The following POT1 variants were observed in gnomAD, a reference collection of about 807,000 sequenced individuals.
POT1 encodes protection of telomeres 1, also known as protection of telomeres protein 1.
In POT1, 47 loss-of-function variants were observed where a neutral mutation model predicts 78.5. That is an observed-to-expected ratio of 0.60 (90% CI 0.47 to 0.76). The LOEUF (loss-of-function observed/expected upper bound fraction) is 0.76, where lower values mean the gene tolerates loss of function less well. Among genes scored for constraint, POT1 ranks in the 30% least tolerant of loss-of-function variants. The pLI is 0.00. For missense variants in POT1, 646 were observed against 749.9 expected (o/e 0.86, Z 1.62); for synonymous variants, 259 against 260.7 (o/e 0.99, Z 0.06).
rs1795856406 is a variant in POT1, at chr7:124,871,042, C to A, written c.125-1G>T. The stretch of plus-strand genomic sequence containing the variant: ...ACAATAGTTACAACTGAGCAATAAT[C>A]TGGAAAACACAAAAATATTTTACCT... On this transcript the variant is annotated splice_acceptor_variant, in intron 6 of 18. Transcript: ENST00000357628. LOFTEE classifies it high-confidence loss of function. 1 of 1,565,536 alleles carries A rather than the reference C, an allele frequency of 6.4e-7. No individual in the cohort carries two copies. The highest frequency in any genetic ancestry group is 1.2e-5 in the South Asian group (1 of 82,412).
intron 2 of POT1, among the ~76,000 whole-genome samples, chr7:124,917,751 G>GA (rs1475494492): frequency 6.6e-6 from 1 of 152,060 alleles, no homozygotes; most frequent in Non-Finnish European, 1.5e-5. Flanking sequence ...GGGATAATCA[G>GA]AAAAAATATA....
chr7:124,876,395 G>A (rs1795991498), intron 6 of POT1, among the ~76,000 whole-genome samples: 1 of 152,136 alleles, frequency 6.6e-6, no homozygotes, highest in African/African-American at 2.4e-5. Context: ...TTATGCTTAG[G>A]TGTCAAAAAA....
intron 17 of POT1, among the ~76,000 whole-genome samples, chr7:124,826,126 C>T (rs1040347367): frequency 3.3e-5 from 5 of 152,154 alleles, no homozygotes; most frequent in African/African-American, 1.2e-4. Context: ...GGGCTGAAGA[C>T]TATGATCAGC....
chr7:124,907,863 T>A (rs1796802398), intron 3 of POT1, among the ~76,000 whole-genome samples: 1 of 152,100 alleles, frequency 6.6e-6, no homozygotes, highest in South Asian at 2.1e-4. Flanking sequence ...ACATGTATTT[T>A]AAAAAGTATA....
chr7:124,863,669 G>T, intron 7 of POT1, 29 bp from the exon 8 acceptor site: 1 of 1,532,614 alleles, frequency 6.5e-7, no homozygotes, highest in Non-Finnish European at 8.9e-7. Flanking sequence ...GTAGAAAACA[G>T]ATACAAATAA....
chr7:124,866,786 AC>A (rs920709764), intron 7 of POT1, among the ~76,000 whole-genome samples: 2 of 152,184 alleles, frequency 1.3e-5, no homozygotes, highest in African/African-American at 4.8e-5. Context: ...TGCCTAAAAA[AC>A]AGTTGCCTCA....
At position 124,859,052 on chromosome 7, in the gene POT1, G is replaced by T. The variant is rs1470754328; in HGVS notation, c.607C>A (p.Leu203Ile). The change falls in exon 9 of 19, where the codon CTT becomes ATT. Residue 203 changes from leucine (L) to isoleucine (I), a missense_variant. Physicochemically the swap from Leu to Ile is conservative, Grantham distance 5. This residue lies in a region of POT1 where 252 missense variants were observed against 341.4 expected (regional missense o/e 0.74). Transcript: ENST00000357628. ...SWRVLIQDLV[L>I]EGDLSHIHRL... ...TGGATGTGACTTAAATCACCTTCAA[G>T]AACAAGGTCTTGTATTAAGACTCTC... 6.2e-7 allele frequency: 1 copy of T among 1,610,936 alleles called. No homozygotes were observed. Among genetic ancestry groups the T allele is most frequent in the East Asian group, 2.2e-5 (1 of 44,770 alleles).
chr7:124,832,341 G>A (rs2116433338), intron 15 of POT1, among the ~76,000 whole-genome samples: 1 of 150,212 alleles, frequency 6.7e-6, no homozygotes, highest in East Asian at 2.0e-4. Context: ...TTGTTGTGAT[G>A]TTACTTTTTT....
chr7:124,909,059 C>T (rs866398724), intron 3 of POT1, among the ~76,000 whole-genome samples: 2 of 151,946 alleles, frequency 1.3e-5, no homozygotes. Context: ...CACTCTAATT[C>T]CTCTTTCAGA....
intron 3 of POT1, among the ~76,000 whole-genome samples, chr7:124,908,439 C>T (rs1416840128): frequency 3.3e-5 from 5 of 151,992 alleles, no homozygotes; most frequent in African/African-American, 9.7e-5. Flanking sequence ...TCATCAGCCA[C>T]ATCAGCCACA....
chr7:124,878,794 A>T lies in POT1; in HGVS notation c.125-7753T>A, dbSNP rs534008486. Reference sequence around the variant, plus strand: ...AGGAATATCTGATCCAAATATGAAGAAAACTAAAATGTAGCATAGAGATAG... The same window carrying T: ...AGGAATATCTGATCCAAATATGAAGTAAACTAAAATGTAGCATAGAGATAG... On this transcript the variant is annotated intron_variant, in intron 6 of 18. Transcript: ENST00000357628. Among the ~76,000 whole-genome samples, 25 of 152,246 alleles carry T rather than the reference A, an allele frequency of 1.6e-4. No homozygotes were observed. In the South Asian group the frequency reaches 3.9e-3, roughly 24 times the overall value.
intron 2 of POT1, among the ~76,000 whole-genome samples, chr7:124,923,845 A>G (rs1029867304): frequency 1.3e-5 from 2 of 151,820 alleles, no homozygotes; most frequent in African/African-American, 4.8e-5. Context: ...TTTTCAGCAG[A>G]AATCTTACAG....
chr7:124,886,368 G>C (rs1006296723), intron 6 of POT1, among the ~76,000 whole-genome samples: 1 of 152,092 alleles, frequency 6.6e-6, no homozygotes, highest in Admixed American at 6.6e-5. Context: ...AAAAGGCACA[G>C]CTGTGGACTG....
At chr7:124,880,026 C>T (rs1296541301) in intron 6 of POT1, among the ~76,000 whole-genome samples, 2 of 151,974 alleles carry the variant, frequency 1.3e-5, no homozygotes, top group Non-Finnish European at 2.9e-5. Context: ...AGCATATTCC[C>T]AATAGTGTCA....
chr7:124,840,940 T>C (rs1299110270), intron 14 of POT1, 33 bp downstream of exon 14: 1 of 1,481,430 alleles, frequency 6.8e-7, no homozygotes, highest in Non-Finnish European at 9.4e-7. Flanking sequence ...GCAAAAGGAG[T>C]ATTCTAACAA....
intron 3 of POT1, among the ~76,000 whole-genome samples, chr7:124,900,430 C>T (rs1009302585): frequency 3.3e-5 from 5 of 152,162 alleles, no homozygotes; most frequent in South Asian, 2.1e-4. Context: ...TCCTATACAG[C>T]GTTTTAGCAT....
chr7:124,917,384 ACT>A (rs530870270), intron 2 of POT1, among the ~76,000 whole-genome samples: 3 of 152,258 alleles, frequency 2.0e-5, no homozygotes, highest in African/African-American at 7.2e-5. Flanking sequence ...ATACAAAGTA[ACT>A]CTGAGGAATA....
chr7:124,916,261 G>A (rs1797012364), intron 2 of POT1, among the ~76,000 whole-genome samples: 1 of 151,982 alleles, frequency 6.6e-6, no homozygotes, highest in Non-Finnish European at 1.5e-5. Context: ...ATAAAAAATA[G>A]ATCAATTTTA....
chr7:124,843,273 C>T, intron 12 of POT1: 1 of 183,664 alleles, frequency 5.4e-6, no homozygotes, highest in Non-Finnish European at 1.1e-5. Flanking sequence ...AAATATTACG[C>T]TAGGCAACCG....
Sources: allele counts gnomAD v4.1 joint callset (sites outside exome capture counted in the v4.1 genomes callset), GRCh38; gene constraint gnomAD v4.1.1; regional missense constraint gnomAD v4.1.1; transcripts MANE v1.5; gene names NCBI Gene and HGNC (gene_info 2026-07-23, HGNC 2026-07-21).